Variants in POU6F2 observed in about 807,000 individuals in gnomAD.
POU6F2 encodes the protein POU class 6 homeobox 2, also known as POU domain, class 6, transcription factor 2.
POU6F2 carries 31 observed loss-of-function variants against 71.3 expected under a neutral mutation model. The ratio of observed to expected loss-of-function variants is 0.43; its 90% CI spans 0.33 to 0.59. POU6F2 has a LOEUF of 0.59. Among genes scored for constraint, POU6F2 ranks in the 20% least tolerant of loss-of-function variants. POU6F2 has a pLI of 0.04. For synonymous variants in POU6F2, 347 were observed against 355.7 expected (o/e 0.98, Z 0.27); for missense variants, 783 against 856.8 (o/e 0.91, Z 1.07).
intron 7 of POU6F2, among the ~76,000 whole-genome samples, chr7:39,440,264 T>A (rs56132347): frequency 0.34 from 51,095 of 151,972 alleles, 9,579 homozygotes; most frequent in East Asian, 0.58. Flanking sequence ...CTGGATGATA[T>A]CCTGAAGTGT....
At chr7:39,122,681 G>A (rs1299401021) in intron 2 of POU6F2, among the ~76,000 whole-genome samples, 1 of 151,746 alleles carries the variant, frequency 6.6e-6, no homozygotes, top group Non-Finnish European at 1.5e-5. Context: ...GTTAAACTGG[G>A]GAGGTCATAA....
intron 5 of POU6F2, among the ~76,000 whole-genome samples, chr7:39,350,597 G>C (rs1165382384): frequency 6.6e-6 from 1 of 152,196 alleles, no homozygotes; most frequent in African/African-American, 2.4e-5. Flanking sequence ...AGAAAGTTAT[G>C]AAAGGCAGAA....
chr7:39,380,355 A>G (rs57199802), intron 5 of POU6F2, among the ~76,000 whole-genome samples: 44,188 of 152,124 alleles, frequency 0.29, 6,506 homozygotes, highest in Admixed American at 0.32. Context: ...GATTAAGTGC[A>G]GTAATTTGTG....
intron 1 of POU6F2, among the ~76,000 whole-genome samples, chr7:38,986,299 C>T (rs186384583): frequency 2.6e-5 from 4 of 152,156 alleles, no homozygotes; most frequent in Admixed American, 2.0e-4. Context: ...GCTCAAGAGA[C>T]GCTCCCACCT....
Position 39,433,075 on chromosome 7 carries a change from A to G in POU6F2, c.1114-2A>G. On this transcript the variant is annotated splice_acceptor_variant, in intron 6 of 9. Coordinates refer to ENST00000518318, the MANE Select transcript of POU6F2 (RefSeq NM_001370959.1). LOFTEE classifies it high-confidence loss of function. ...CTCCTCACCTTTGGCCCTCTCTTGC[A>G]GATTATCGGGACCATTCCACTGATG... 2 of 1,612,530 alleles carry G rather than the reference A, an allele frequency of 1.2e-6. No individual in the cohort carries two copies. The highest frequency in any genetic ancestry group is 1.7e-6 in the Non-Finnish European group (2 of 1,179,024).
At chr7:39,194,498 C>T (rs540444248) in intron 2 of POU6F2, among the ~76,000 whole-genome samples, 40 of 152,228 alleles carry the variant, frequency 2.6e-4, no homozygotes, top group South Asian at 6.2e-4. Flanking sequence ...GGTTTGTAAA[C>T]ACACCAATCA....
chr7:39,360,715 T>C (rs1786367660), intron 5 of POU6F2, among the ~76,000 whole-genome samples: 1 of 152,254 alleles, frequency 6.6e-6, no homozygotes, highest in Non-Finnish European at 1.5e-5. Context: ...CGAGGGCTGC[T>C]GGTTGCCCAT....
At chr7:39,225,473 G>A (rs887960298) in intron 4 of POU6F2, among the ~76,000 whole-genome samples, 1 of 151,996 alleles carries the variant, frequency 6.6e-6, no homozygotes, top group African/African-American at 2.4e-5. Flanking sequence ...CAGTGTACTG[G>A]GGTTGAATTT....
At chr7:39,136,254 T>A (rs1307232099) in intron 2 of POU6F2, among the ~76,000 whole-genome samples, 7 of 152,150 alleles carry the variant, frequency 4.6e-5, no homozygotes, top group Middle Eastern at 3.4e-3. Context: ...AAATAAAAAA[T>A]TTAAATACTG....
intron 1 of POU6F2, among the ~76,000 whole-genome samples, chr7:39,058,522 A>G (rs1051708037): frequency 5.9e-5 from 9 of 152,206 alleles, no homozygotes; most frequent in African/African-American, 2.2e-4. Flanking sequence ...TTCCGCTAGA[A>G]TTTGGGAAAT....
chr7:39,384,913 T>C (rs537665339), intron 5 of POU6F2, among the ~76,000 whole-genome samples: 1 of 152,292 alleles, frequency 6.6e-6, no homozygotes, highest in South Asian at 2.1e-4. Flanking sequence ...TCTAAATAAA[T>C]CCTCATAAGT....
chr7:39,293,207 G>C (rs1784794752), intron 4 of POU6F2, among the ~76,000 whole-genome samples: 2 of 152,074 alleles, frequency 1.3e-5, no homozygotes, highest in Admixed American at 1.3e-4. Context: ...GCTTCTGGGG[G>C]GCCACCCTCC....
chr7:39,122,584 G>C (rs1388925729), intron 2 of POU6F2, among the ~76,000 whole-genome samples: 1 of 152,072 alleles, frequency 6.6e-6, no homozygotes, highest in African/African-American at 2.4e-5. Context: ...GCCTTTCCCT[G>C]ATGCTCCATT....
At chr7:39,302,756 A>G (rs1012481357) in intron 4 of POU6F2, among the ~76,000 whole-genome samples, 27 of 152,258 alleles carry the variant, frequency 1.8e-4, no homozygotes, top group African/African-American at 6.3e-4. Flanking sequence ...TTGAGCATCT[A>G]TCATACAACC....
chr7:39,107,614 A>G (rs953599423), intron 2 of POU6F2, among the ~76,000 whole-genome samples: 1 of 152,196 alleles, frequency 6.6e-6, no homozygotes, highest in Non-Finnish European at 1.5e-5. Flanking sequence ...GGAAAGTTTA[A>G]TAATGGTACT....
At chr7:39,142,553 A>G (rs1177579926) in intron 2 of POU6F2, among the ~76,000 whole-genome samples, 3 of 152,240 alleles carry the variant, frequency 2.0e-5, no homozygotes, top group Non-Finnish European at 4.4e-5. Context: ...AATATTACCT[A>G]ATAAAGTTCA....
At chr7:39,383,572 A>G (rs544138732) in intron 5 of POU6F2, among the ~76,000 whole-genome samples, 2 of 152,296 alleles carry the variant, frequency 1.3e-5, no homozygotes, top group Admixed American at 6.5e-5. Context: ...GTCTCCACCA[A>G]CAGAGTATTA....
At chr7:39,390,154 G>A (rs1272884592) in intron 5 of POU6F2, among the ~76,000 whole-genome samples, 1 of 152,052 alleles carries the variant, frequency 6.6e-6, no homozygotes, top group Non-Finnish European at 1.5e-5. Context: ...CCAGCACTTT[G>A]GGAGGCTGAG....
At chr7:39,373,914 A>C (rs1436383253) in intron 5 of POU6F2, among the ~76,000 whole-genome samples, 1 of 152,238 alleles carries the variant, frequency 6.6e-6, no homozygotes, top group Non-Finnish European at 1.5e-5. Flanking sequence ...ATTTTGAAAA[A>C]TAAAAAGATC....
Sources: allele counts gnomAD v4.1 joint callset (sites outside exome capture counted in the v4.1 genomes callset), GRCh38; gene constraint gnomAD v4.1.1; transcripts MANE v1.5; gene names NCBI Gene and HGNC (gene_info 2026-07-23, HGNC 2026-07-21).